RAB17: variants seen among roughly 807,000 people sequenced by gnomAD.
The protein encoded by RAB17 is ras-related protein Rab-17.
Under a neutral mutation model 19.3 loss-of-function variants are expected in RAB17, and 15 were observed. The observed-to-expected ratio is 0.78, with a 90% CI of 0.52 to 1.20. RAB17 has a LOEUF of 1.20. RAB17 is among the 50% of genes most tolerant of loss of function. The probability of loss-of-function intolerance (pLI) is 0.00; values close to 1 mark genes in which losing one functional copy is unlikely to be tolerated. For missense variants in RAB17, 262 were observed against 269.3 expected, an observed-to-expected ratio of 0.97 and a Z score of 0.19; for synonymous variants, 110 against 112.8, an observed-to-expected ratio of 0.97 and a Z score of 0.16.
intron 2 of RAB17, among the ~76,000 whole-genome samples, chr2:237,582,078 A>G (rs1302235084): frequency 6.6e-6 from 1 of 152,224 alleles, no homozygotes; most frequent in Non-Finnish European, 1.5e-5. Flanking sequence ...GGCTGCGCTC[A>G]CTTGGACTCC....
chr2:237,576,099 G>A (rs2081260487), intron 4 of RAB17, among the ~76,000 whole-genome samples: 1 of 152,174 alleles, frequency 6.6e-6, no homozygotes, highest in Non-Finnish European at 1.5e-5. Context: ...AGGAGCCTGT[G>A]GTGGATCCCA....
chr2:237,576,969 A>C (rs547060510), intron 4 of RAB17, among the ~76,000 whole-genome samples: 1 of 152,300 alleles, frequency 6.6e-6, no homozygotes, highest in Admixed American at 6.5e-5. Context: ...TGAGTTTTTC[A>C]GGAAAGACCG....
At chr2:237,590,139 T>A (rs1302931213) in intron 1 of RAB17, among the ~76,000 whole-genome samples, 1 of 151,348 alleles carries the variant, frequency 6.6e-6, no homozygotes, top group Non-Finnish European at 1.5e-5. Flanking sequence ...CTTTAAGAGT[T>A]CTTCTCATTA....
intron 4 of RAB17, among the ~76,000 whole-genome samples, chr2:237,576,317 G>A (rs116478646): frequency 6.0e-4 from 91 of 152,030 alleles, no homozygotes; most frequent in African/African-American, 2.0e-3. Context: ...CACCCTGGCC[G>A]CCCACTGCCC....
chr2:237,576,301 C>T (rs1294422753), intron 4 of RAB17, among the ~76,000 whole-genome samples: 2 of 152,154 alleles, frequency 1.3e-5, no homozygotes, highest in Non-Finnish European at 2.9e-5. Flanking sequence ...ACAGACGCTC[C>T]AAACCCACCC....
At chr2:237,577,765 G>A in intron 3 of RAB17, 1 of 524,640 alleles carries the variant, frequency 1.9e-6, no homozygotes. Context: ...CCCTAATGCA[G>A]CACCAGGAAC....
intron 5 of RAB17, 27 bp downstream of exon 5, chr2:237,575,360 T>C (rs1383862834): frequency 6.4e-7 from 1 of 1,573,776 alleles, no homozygotes; most frequent in Non-Finnish European, 8.7e-7. Context: ...ACCTCCCCCT[T>C]GTCTGGCCCA....
intron 2 of RAB17, among the ~76,000 whole-genome samples, chr2:237,581,394 C>T (rs1473380047): frequency 6.6e-6 from 1 of 151,708 alleles, no homozygotes; most frequent in Non-Finnish European, 1.5e-5. Flanking sequence ...AAAAAAGTTC[C>T]TCTACTAAAT....
chr2:237,576,462 G>A (rs924487524), intron 4 of RAB17: 7 of 415,488 alleles, frequency 1.7e-5, no homozygotes, highest in African/African-American at 2.1e-5. Context: ...CGAGGGCTCA[G>A]ACTGACGCTG....
chr2:237,586,259 C>G (rs1435963158), intron 1 of RAB17, 102 bp from the exon 2 acceptor site: 1 of 1,258,234 alleles, frequency 7.9e-7, no homozygotes, highest in African/African-American at 1.5e-5. Context: ...GCAGATGGCC[C>G]AATACAGAGC....
intron 4 of RAB17, chr2:237,575,713 C>T: frequency 1.9e-6 from 1 of 515,746 alleles, no homozygotes; most frequent in Non-Finnish European, 3.5e-6. Flanking sequence ...CGGCCTTCCT[C>T]CTCCTGCAGG....
intron 4 of RAB17, among the ~76,000 whole-genome samples, chr2:237,577,017 TGTGTGTGTGTGC>T (rs1264875912): frequency 5.3e-5 from 8 of 151,816 alleles, no homozygotes; most frequent in African/African-American, 1.7e-4. Flanking sequence ...GGTGGAAAGC[TGTGTGTGTGTGC>T]GTGTGTGTGT....
At chr2:237,578,900 A>ACACACACAC (rs2081287283) in intron 2 of RAB17, 1 of 143,128 alleles carries the variant, frequency 7.0e-6, no homozygotes, top group African/African-American at 2.6e-5. Context: ...GTACCTGCTT[A>ACACACACAC]ACACACACAC....
At chr2:237,580,967 G>A (rs1314243792) in intron 2 of RAB17, among the ~76,000 whole-genome samples, 1 of 152,220 alleles carries the variant, frequency 6.6e-6, no homozygotes, top group Non-Finnish European at 1.5e-5. Context: ...GGTATTTGAG[G>A]CAACCTAGTC....
In RAB17 at chr2:237,575,333, G is replaced by A. The variant is rs984858415; in HGVS notation, c.529+54C>T. The A allele has an allele frequency of 9.8e-5, 140 of 1,429,802 alleles. No homozygotes were observed. The African/African-American group carries it at 1.6e-3, about 16-fold the overall frequency. 88.6% of individuals were successfully genotyped at this position (1,429,802 alleles called of 1,614,324 possible). ...TCACCAGCAACAGGGACCCAGGGAAGTTGGTCAGGGACAAGCACCTCCCCC... is the reference window on the plus strand; with the variant it reads ...TCACCAGCAACAGGGACCCAGGGAAATTGGTCAGGGACAAGCACCTCCCCC... On this transcript the variant is annotated intron_variant, in intron 5 of 5. Coordinates refer to ENST00000264601, the MANE Select transcript of RAB17 (RefSeq NM_022449.4).
In RAB17 at chr2:237,577,296, G is replaced by T. The variant is rs2081272986; in HGVS notation, c.396C>A (p.Asn132Lys). 1 of 1,613,844 alleles carries T rather than the reference G, an allele frequency of 6.2e-7. No individual in the cohort carries two copies. ...CCCGCTCCTGGCTGAGGTCCGTCTT[G>T]TTGCCCACCAGCATCACCAGGACTT... ...PGEVLVMLVG[N>K]KTDLSQEREV... is the part of the protein sequence containing the mutation. Residue 132 changes from asparagine (N) to lysine (K), a missense_variant, in exon 4 of 6, where the codon AAC becomes AAA. Coordinates refer to ENST00000264601, the MANE Select transcript of RAB17 (RefSeq NM_022449.4).
At position 237,575,113 on chromosome 2, in the gene RAB17, T is replaced by C; in HGVS notation, c.545A>G (p.Gln182Arg). Residue 182 changes from glutamine (Q) to arginine (R), a missense_variant, in exon 6 of 6, where the codon CAG becomes CGG. Physicochemically the swap from Gln to Arg is conservative, Grantham distance 43. Transcript: ENST00000264601. ...VFNTVAQELL[Q>R]RSDEEGQALR... ...AGCCTGGCCCTCCTCGTCGCTTCTCTGCAGTAGCTCTTGGGCTGTGAACAG... is the reference window on the plus strand; with the variant it reads ...AGCCTGGCCCTCCTCGTCGCTTCTCCGCAGTAGCTCTTGGGCTGTGAACAG... 2 of 1,613,378 alleles carry C rather than the reference T, an allele frequency of 1.2e-6. No individual in the cohort carries two copies. Among genetic ancestry groups the C allele is most frequent in the Admixed American group, 1.7e-5 (1 of 60,002 alleles).
At chr2:237,579,171 G>C (rs774999229) in intron 2 of RAB17, 1 of 152,254 alleles carries the variant, frequency 6.6e-6, no homozygotes, top group Non-Finnish European at 1.5e-5. Flanking sequence ...GCACCGACAG[G>C]CTCCTGTCAA....
chr2:237,577,758 T>C, intron 3 of RAB17: 1 of 516,248 alleles, frequency 1.9e-6, no homozygotes, highest in South Asian at 2.7e-5. Context: ...ACCCTGACCC[T>C]AATGCAGCAC....
Sources: gnomAD v4.1 joint callset for allele counts (sites outside exome capture counted in the v4.1 genomes callset) on GRCh38, gnomAD v4.1.1 for gene constraint, MANE v1.5 for transcripts, NCBI Gene and HGNC (gene_info 2026-07-23, HGNC 2026-07-21) for gene names.